SIAE: variants seen among roughly 807,000 people sequenced by gnomAD.
The protein encoded by SIAE is sialate O-acetylesterase.
SIAE carries 39 observed loss-of-function variants against 52.6 expected under a neutral mutation model. The observed-to-expected ratio is 0.74, with a 90% CI of 0.57 to 0.97. SIAE has a LOEUF of 0.97. Among genes scored for constraint, SIAE ranks in the 50% least tolerant of loss-of-function variants. The probability of loss-of-function intolerance (pLI) is 0.00; values close to 1 mark genes in which losing one functional copy is unlikely to be tolerated. For missense variants in SIAE, 592 were observed against 662.1 expected (o/e 0.89, Z 1.16); for synonymous variants, 233 against 241.4 (o/e 0.97, Z 0.32).
intron 7 of SIAE, among the ~76,000 whole-genome samples, chr11:124,646,305 A>G (rs1942933459): frequency 1.3e-5 from 2 of 152,332 alleles, no homozygotes; most frequent in African/African-American, 2.4e-5. Flanking sequence ...GTGCCAATCA[A>G]CTACATACGT....
At chr11:124,649,462 GT>G (rs1006019905) in intron 5 of SIAE, among the ~76,000 whole-genome samples, 156 bp downstream of exon 5, 3 of 152,274 alleles carry the variant, frequency 2.0e-5, no homozygotes, top group Admixed American at 2.0e-4. Flanking sequence ...GGCAGTGACA[GT>G]GAAAATAATG....
At chr11:124,648,022 A>C in intron 6 of SIAE, 44 bp downstream of exon 6, 2 of 1,467,082 alleles carry the variant, frequency 1.4e-6, no homozygotes, top group Non-Finnish European at 1.9e-6. Flanking sequence ...TTATACAGCA[A>C]ACGCTATCTG....
intron 7 of SIAE, among the ~76,000 whole-genome samples, chr11:124,644,347 T>C (rs1942895272): frequency 1.1e-5 from 1 of 90,472 alleles, no homozygotes; most frequent in Non-Finnish European, 1.9e-5. Context: ...AAAGAGTCTG[T>C]GGTGAGAAAA....
At chr11:124,642,140 T>C (rs1297173522) in intron 7 of SIAE, among the ~76,000 whole-genome samples, 1 of 152,030 alleles carries the variant, frequency 6.6e-6, no homozygotes, top group Non-Finnish European at 1.5e-5. Context: ...CAACTGGATA[T>C]GGAGAACAAG....
intron 2 of SIAE, among the ~76,000 whole-genome samples, chr11:124,667,382 C>T (rs1270760495): frequency 6.6e-6 from 1 of 152,150 alleles, no homozygotes; most frequent in Admixed American, 6.6e-5. Context: ...TACCCAACAA[C>T]ATTCTTACCT....
At position 124,639,764 on chromosome 11, in the gene SIAE, TTGGGCATCTTTGGG is replaced by T. The variant is rs771465129; in HGVS notation, c.1056_1069del (p.Asn352LysfsTer12). On this transcript the variant is annotated frameshift_variant, in exon 8 of 10. Transcript: ENST00000263593. LOFTEE classifies it high-confidence loss of function. ...ATCCATAGCTACAGCCATGAAAGTA[TTGGGCATCTTTGGG>T]TTGGGGACATAGCCGAAGTCTGCTG... 18 of 1,614,208 alleles carry T rather than the reference TTGGGCATCTTTGGG, an allele frequency of 1.1e-5. No homozygotes were observed. The East Asian group carries it at 3.8e-4, about 34-fold the overall frequency.
chr11:124,638,760 A>C lies in SIAE; in HGVS notation c.1125-23T>G, dbSNP rs1942794679. 3 of 1,607,918 alleles carry C rather than the reference A, an allele frequency of 1.9e-6. No homozygotes were observed. The South Asian group carries it at 3.3e-5, about 18-fold the overall frequency. On this transcript the variant is annotated intron_variant, in intron 8 of 9. Coordinates refer to ENST00000263593, the MANE Select transcript of SIAE (RefSeq NM_170601.5). ...ATGCTACAGGATAAGGAACAAGTAG[A>C]GAACTTTGGGTTTAAGCTCAACAAT...
chr11:124,653,606 G>A (rs1943049420), intron 4 of SIAE, among the ~76,000 whole-genome samples: 1 of 152,196 alleles, frequency 6.6e-6, no homozygotes, highest in Non-Finnish European at 1.5e-5. Context: ...ACAAATTGTT[G>A]AGGTGGAAGC....
chr11:124,637,203 C>G lies in SIAE; in HGVS notation c.1321-1G>C. On this transcript the variant is annotated splice_acceptor_variant, in intron 9 of 9. Transcript: ENST00000263593. LOFTEE classifies it high-confidence loss of function. Reference sequence around the variant, plus strand: ...ATCGATGGTCACTGCAACAGGAGATCTAATAAGAGAGCCATAAAATAGGAA... The same window carrying G: ...ATCGATGGTCACTGCAACAGGAGATGTAATAAGAGAGCCATAAAATAGGAA... The G allele has an allele frequency of 6.2e-7, 1 of 1,614,090 alleles. No individual in the cohort carries two copies. The highest frequency in any genetic ancestry group is 8.5e-7 in the Non-Finnish European group (1 of 1,180,042).
At position 124,669,378 on chromosome 11, in the gene SIAE, T is replaced by C; in HGVS notation, c.211A>G (p.Lys71Glu). 1 of 1,614,170 alleles carries C rather than the reference T, an allele frequency of 6.2e-7. No homozygotes were observed. Among genetic ancestry groups the C allele is most frequent in the Non-Finnish European group, 8.5e-7 (1 of 1,180,030 alleles). The change falls in exon 2 of 10, where the codon AAA (lysine) becomes GAA (glutamate). Residue 71 changes from lysine to glutamate, a missense_variant. Lys to Glu is a moderately conservative substitution (Grantham distance 56). Coordinates refer to ENST00000263593, the MANE Select transcript of SIAE (RefSeq NM_170601.5). ...GCCTTACCTTTCACACTGGTCACTT[T>C]CTTCATGATGGTTTCCTGACCTTGG... The part of the protein sequence containing the change: ...LRQGQETIMK[K>E]VTSVKAHSDT...
At chr11:124,655,561 A>G (rs1484766735) in intron 3 of SIAE, among the ~76,000 whole-genome samples, 5 of 152,186 alleles carry the variant, frequency 3.3e-5, no homozygotes, top group Non-Finnish European at 7.3e-5. Context: ...TCCATACCAC[A>G]CAAGAGAAGC....
rs764670190 is a variant in SIAE at position 124,649,703 on chromosome 11, A to G, written c.638T>C (p.Leu213Pro). ...TGTCCCGCCCCAGCTGGAGGCGATC[A>G]GCCCGATGGGATACTGCAGAGTGTC... Reference protein sequence around the residue: ...LYDTLQYPIGLIASSWGGTPI... With the variant: ...LYDTLQYPIGPIASSWGGTPI... Residue 213 changes from leucine to proline, a missense_variant, in exon 5 of 10, where the codon CTG becomes CCG. Leu to Pro is a moderately conservative substitution (Grantham distance 98). Coordinates refer to ENST00000263593, the MANE Select transcript of SIAE (RefSeq NM_170601.5). 3.7e-6 allele frequency: 6 copies of G among 1,614,200 alleles called. No homozygotes were observed. The highest frequency in any genetic ancestry group is 1.7e-5 in the Admixed American group (1 of 60,020).
At chr11:124,648,002 G>C in intron 6 of SIAE, 64 bp downstream of exon 6, 2 of 1,223,028 alleles carry the variant, frequency 1.6e-6, no homozygotes. Context: ...CTACGTTCTA[G>C]GGTGCTGTGT....
At chr11:124,642,073 G>GAGAT (rs550996621) in intron 7 of SIAE, among the ~76,000 whole-genome samples, 150 of 151,878 alleles carry the variant, frequency 9.9e-4, no homozygotes, top group African/African-American at 3.5e-3. Context: ...CTAATCTACA[G>GAGAT]AGATAGTAGT....
chr11:124,662,044 A>G (rs187792195), intron 2 of SIAE, among the ~76,000 whole-genome samples: 1 of 152,320 alleles, frequency 6.6e-6, no homozygotes, highest in East Asian at 1.9e-4. Context: ...AAAATGTCCA[A>G]AAGCCCCAAG....
Position 124,641,959 on chromosome 11 carries a change from CA to C in SIAE, c.967-2093del, listed in dbSNP as rs11327177. Among the ~76,000 whole-genome samples, 121 of 39,226 alleles carry C rather than the reference CA, an allele frequency of 3.1e-3. No individual in the cohort carries two copies. In the East Asian group the frequency reaches 0.037, roughly 12 times the overall value. 25.7% of individuals were successfully genotyped at this position (39,226 alleles called of 152,430 possible). A position where few individuals can be genotyped will look rare whatever the true frequency, so the allele number is the denominator to read the frequency against. On this transcript the variant is annotated intron_variant, in intron 7 of 9. Coordinates refer to ENST00000263593, the MANE Select transcript of SIAE (RefSeq NM_170601.5). ...TGGGCAACCGGGCAAGACTCCATCT[CA>C]AAAAAAAAAAAAAAAAAAAAAGAAA...
intron 5 of SIAE, 48 bp from the exon 6 acceptor site, chr11:124,648,223 C>A: frequency 7.1e-7 from 1 of 1,413,724 alleles, no homozygotes. Context: ...AGTGATTGAT[C>A]ACATAAGGGT....
At chr11:124,661,137 T>C (rs1391261048) in intron 2 of SIAE, among the ~76,000 whole-genome samples, 1 of 152,210 alleles carries the variant, frequency 6.6e-6, no homozygotes, top group South Asian at 2.1e-4. Context: ...TATTATACTA[T>C]CCAGCTGTCA....
In SIAE at chr11:124,645,716, G is replaced by A. The variant is rs1480812510; in HGVS notation, c.966+1649C>T. Among the ~76,000 whole-genome samples, 2 of 152,148 alleles carry A rather than the reference G, an allele frequency of 1.3e-5. No individual in the cohort carries two copies. Among genetic ancestry groups the A allele is most frequent in the African/African-American group, 4.8e-5 (2 of 41,422 alleles). On this transcript the variant is annotated intron_variant, in intron 7 of 9. Coordinates refer to ENST00000263593, the MANE Select transcript of SIAE (RefSeq NM_170601.5). The surrounding 1 kb of genome is among the most constrained non-coding windows in gnomAD (Gnocchi z 4.7). ...TCAAATCACCATGTGCACAGGCCAA[G>A]GGAGAAAAAAGTACTTCCAAAGCCC... is the stretch of plus-strand genomic sequence containing the variant.
Sources: gnomAD v4.1 joint callset for allele counts (sites outside exome capture counted in the v4.1 genomes callset) on GRCh38, gnomAD v4.1.1 for gene constraint, Gnocchi (gnomAD v3.1) non-coding constraint, MANE v1.5 for transcripts, NCBI Gene and HGNC (gene_info 2026-07-23, HGNC 2026-07-21) for gene names.